Variants in SYT1 observed in about 807,000 individuals in gnomAD.
SYT1 encodes synaptotagmin 1, also known as synaptotagmin-1.
Under a neutral mutation model 44.8 loss-of-function variants are expected in SYT1, and 8 were observed. The ratio of observed to expected loss-of-function variants is 0.18; its 90% CI spans 0.10 to 0.32. The LOEUF is 0.32. Among genes scored for constraint, SYT1 ranks in the 10% least tolerant of loss-of-function variants. The probability of loss-of-function intolerance (pLI) is 1.00; values close to 1 mark genes in which losing one functional copy is unlikely to be tolerated. For synonymous variants in SYT1, 154 were observed against 188.8 expected (o/e 0.82, Z 1.51); for missense variants, 286 against 509.3 (o/e 0.56, Z 4.22).
intron 2 of SYT1, among the ~76,000 whole-genome samples, 156 bp from the exon 3 acceptor site, chr12:79,047,141 A>T (rs1261705919): frequency 6.6e-6 from 1 of 151,708 alleles, no homozygotes; most frequent in Non-Finnish European, 1.5e-5. Context: ...TGTATTATAT[A>T]TACTAAATAT....
chr12:79,410,506 C>CAAAAAAAAAAAAAAAAAAAAAAGAAAGA (rs5799432), intron 9 of SYT1, among the ~76,000 whole-genome samples: 1 of 75,916 alleles, frequency 1.3e-5, no homozygotes, highest in Non-Finnish European at 2.4e-5. Flanking sequence ...TGTTCAAAGT[C>CAAAAAAAAAAAAAAAAAAAAAAGAAAGA]AAAAAAAAAA....
At chr12:79,198,175 A>T (rs1873571972) in intron 3 of SYT1, among the ~76,000 whole-genome samples, 1 of 152,258 alleles carries the variant, frequency 6.6e-6, no homozygotes, top group African/African-American at 2.4e-5. Context: ...TCAGCTCCTT[A>T]TCTTTGGCGT....
intron 4 of SYT1, among the ~76,000 whole-genome samples, chr12:79,235,627 A>G (rs989392981): frequency 6.7e-6 from 1 of 148,440 alleles, no homozygotes; most frequent in African/African-American, 2.4e-5. Context: ...ATATGTAATT[A>G]ATATATAAAT....
At chr12:79,421,950 A>T (rs917282409) in intron 9 of SYT1, among the ~76,000 whole-genome samples, 7 of 151,914 alleles carry the variant, frequency 4.6e-5, no homozygotes, top group Non-Finnish European at 8.8e-5. Flanking sequence ...TGTTCCATTT[A>T]TTGAAACTTC....
chr12:79,020,893 CAAG>C (rs1280715576), intron 2 of SYT1, among the ~76,000 whole-genome samples: 2 of 151,862 alleles, frequency 1.3e-5, no homozygotes, highest in Admixed American at 1.3e-4. Context: ...CAAAGGGCTT[CAAG>C]AAGAATTTAT....
chr12:79,097,932 A>G (rs938377121), intron 3 of SYT1, among the ~76,000 whole-genome samples: 2 of 151,904 alleles, frequency 1.3e-5, no homozygotes, highest in Admixed American at 6.6e-5. Context: ...GAGCATGCAT[A>G]TTACTCACAC....
chr12:79,347,031 T>C (rs1882639321), intron 8 of SYT1, among the ~76,000 whole-genome samples: 3 of 149,784 alleles, frequency 2.0e-5, no homozygotes. Flanking sequence ...TGTTTGTGTG[T>C]TTGTTTTTTC....
intron 2 of SYT1, among the ~76,000 whole-genome samples, chr12:78,994,469 G>A (rs1343935060): frequency 3.6e-5 from 4 of 110,464 alleles, no homozygotes; most frequent in Non-Finnish European, 8.1e-5. Flanking sequence ...CTTTTTCTTT[G>A]TTTTCTTTTT....
In SYT1 at chr12:79,330,421, G is replaced by A. The variant is rs145923126; in HGVS notation, c.811-23081G>A. Among the ~76,000 whole-genome samples, 8 of 152,282 alleles carry A rather than the reference G, an allele frequency of 5.3e-5. No individual in the cohort carries two copies. In the East Asian group the frequency reaches 1.5e-3, roughly 29 times the overall value. ...CTGAGTACTCCTAAATAATGATCCA[G>A]TATAAGAAGAAAATTAAAATTTCAG... is the stretch of plus-strand genomic sequence containing the variant. On this transcript the variant is annotated intron_variant, in intron 8 of 10. Transcript: ENST00000261205.
In SYT1 at chr12:78,931,612, A is replaced by T. The variant is rs146003157; in HGVS notation, c.-216-46187A>T. ...GAACAAGTGTGTAGGCATGATGTAG[A>T]TTTATTTATTTTTCTCTCAGGAGTT... On this transcript the variant is annotated intron_variant, in intron 1 of 10. Coordinates refer to ENST00000261205, the MANE Select transcript of SYT1 (RefSeq NM_005639.3). Among the ~76,000 whole-genome samples, 49 of 152,218 alleles carry T rather than the reference A, an allele frequency of 3.2e-4. 1 individual carries two copies. The highest frequency in any genetic ancestry group is 3.1e-3 in the East Asian group (16 of 5,162).
At chr12:79,297,744 G>C (rs1364571389) in intron 7 of SYT1, among the ~76,000 whole-genome samples, 1 of 152,014 alleles carries the variant, frequency 6.6e-6, no homozygotes, top group Non-Finnish European at 1.5e-5. Context: ...AGACATTGTA[G>C]ATTACTCATC....
intron 8 of SYT1, among the ~76,000 whole-genome samples, chr12:79,312,086 T>G (rs114045626): frequency 0.011 from 1,609 of 152,150 alleles, 30 homozygotes; most frequent in African/African-American, 0.037. Flanking sequence ...TTGGGGAAAA[T>G]GTTTTTTTGT....
intron 3 of SYT1, among the ~76,000 whole-genome samples, chr12:79,137,419 TTATATC>T (rs1869270763): frequency 6.6e-6 from 1 of 152,044 alleles, no homozygotes; most frequent in African/African-American, 2.4e-5. Context: ...ACTTGGAACT[TTATATC>T]TATTATCTCA....
intron 3 of SYT1, among the ~76,000 whole-genome samples, chr12:79,099,694 A>G (rs1878337684): frequency 6.6e-6 from 1 of 152,158 alleles, no homozygotes. Flanking sequence ...TGTGTTAAAA[A>G]CAAACACTGG....
chr12:79,368,125 C>T (rs948587447), intron 9 of SYT1, among the ~76,000 whole-genome samples: 1 of 148,932 alleles, frequency 6.7e-6, no homozygotes, highest in Non-Finnish European at 1.5e-5. Context: ...TCAATTCCCA[C>T]CTATGAGTGA....
chr12:79,041,533 A>G (rs987199836), intron 2 of SYT1, among the ~76,000 whole-genome samples: 8 of 152,240 alleles, frequency 5.3e-5, no homozygotes, highest in South Asian at 4.1e-4. Context: ...GGCTGAGACA[A>G]TGGGGTTTTC....
chr12:79,132,448 CAAA>C (rs201209266), intron 3 of SYT1, among the ~76,000 whole-genome samples: 1 of 114,158 alleles, frequency 8.8e-6, no homozygotes, highest in Non-Finnish European at 1.9e-5. Context: ...GATTCCGTCT[CAAA>C]AAAAAAAAAA....
rs1284934444 is a variant in SYT1 at position 79,447,281 on chromosome 12, G to A, written c.1063-1637G>A. Among the ~76,000 whole-genome samples, 3 of 151,676 alleles carry A rather than the reference G, an allele frequency of 2.0e-5. No homozygotes were observed. In the South Asian group the frequency reaches 6.2e-4, roughly 31 times the overall value. On this transcript the variant is annotated intron_variant, in intron 10 of 10. Transcript: ENST00000261205. Reference sequence around the variant, plus strand: ...CCTTTTTCTAGAAAAAAATAATTGAGTATTTCACATGCTAAAATAGGGTCT... The same window carrying A: ...CCTTTTTCTAGAAAAAAATAATTGAATATTTCACATGCTAAAATAGGGTCT...
At chr12:79,391,970 T>TA (rs11423262) in intron 9 of SYT1, among the ~76,000 whole-genome samples, 130,697 of 151,988 alleles carry the variant, frequency 0.86, 59,234 homozygotes, top group East Asian at 1. Flanking sequence ...CCAATTCATA[T>TA]TGTAAACCTT....
Sources: gnomAD v4.1 joint callset for allele counts (sites outside exome capture counted in the v4.1 genomes callset) on GRCh38, gnomAD v4.1.1 for gene constraint, MANE v1.5 for transcripts, NCBI Gene and HGNC (gene_info 2026-07-23, HGNC 2026-07-21) for gene names.